Variants in PLEK observed in about 807,000 individuals in gnomAD.
PLEK encodes pleckstrin.
In PLEK, 25 loss-of-function variants were observed where a neutral mutation model predicts 43.9. The observed-to-expected ratio is 0.57, with a 90% CI of 0.41 to 0.79. PLEK has a LOEUF of 0.79. PLEK is among the 30% of genes least tolerant of loss of function. The probability of loss-of-function intolerance (pLI) is 0.00; values close to 1 mark genes in which losing one functional copy is unlikely to be tolerated. For missense variants in PLEK, 396 were observed against 413.3 expected, an observed-to-expected ratio of 0.96 and a Z score of 0.36; for synonymous variants, 152 against 144.4, an observed-to-expected ratio of 1.05 and a Z score of -0.38.
chr2:68,372,356 A>G (rs1673425450), intron 1 of PLEK, among the ~76,000 whole-genome samples: 1 of 152,054 alleles, frequency 6.6e-6, no homozygotes, highest in Non-Finnish European at 1.5e-5. Context: ...GTATATTTTT[A>G]GTAGAGACTG....
intron 7 of PLEK, among the ~76,000 whole-genome samples, 153 bp from the exon 8 acceptor site, chr2:68,393,954 T>TTTAATTTTTA (rs1402088366): frequency 1.6e-4 from 24 of 152,210 alleles, no homozygotes; most frequent in Non-Finnish European, 2.6e-4. Flanking sequence ...ACCTTAGATC[T>TTTAATTTTTA]GTCAGCAGTT....
At chr2:68,393,687 A>G (rs534235863) in intron 7 of PLEK, among the ~76,000 whole-genome samples, 4 of 152,338 alleles carry the variant, frequency 2.6e-5, no homozygotes, top group African/African-American at 9.6e-5. Context: ...TAAAGCATGA[A>G]GACAACTCTG....
intron 7 of PLEK, among the ~76,000 whole-genome samples, chr2:68,393,620 C>G (rs1673902703): frequency 6.6e-6 from 1 of 152,164 alleles, no homozygotes; most frequent in Non-Finnish European, 1.5e-5. Context: ...TTAAGTCCAG[C>G]AATTTGGGCT....
At chr2:68,368,294 T>C (rs1294643919) in intron 1 of PLEK, among the ~76,000 whole-genome samples, 1 of 152,230 alleles carries the variant, frequency 6.6e-6, no homozygotes, top group African/African-American at 2.4e-5. Flanking sequence ...TAGCCAACCA[T>C]GGAGCAGCAA....
At chr2:68,365,606 G>T in intron 1 of PLEK, 1 of 508,868 alleles carries the variant, frequency 2.0e-6, no homozygotes, top group African/African-American at 1.9e-5. Context: ...TTGATATTAC[G>T]GGTCTGAGAA....
intron 6 of PLEK, among the ~76,000 whole-genome samples, chr2:68,392,162 T>G: frequency 6.7e-6 from 1 of 149,878 alleles, no homozygotes; most frequent in East Asian, 1.9e-4. Context: ...CTCCCCCTTT[T>G]CTCCTCCTCC....
chr2:68,380,598 A>G (rs923285856), intron 2 of PLEK, 115 bp downstream of exon 2: 3 of 1,388,892 alleles, frequency 2.2e-6, no homozygotes, highest in African/African-American at 2.9e-5. Flanking sequence ...ACCACCACCC[A>G]CACCCCACCC....
chr2:68,382,573 A>G lies in PLEK; in HGVS notation c.412A>G (p.Lys138Glu), dbSNP rs745801615. The change falls in exon 4 of 9, where the codon AAA (lysine) becomes GAA (glutamate). Residue 138 changes from lysine to glutamate, a missense_variant. By Grantham distance (56) the Lys-to-Glu change is moderately conservative. Coordinates refer to ENST00000234313, the MANE Select transcript of PLEK (RefSeq NM_002664.3). ...ALYLSMKDTE[K>E]GIKELNLEKD... The stretch of plus-strand genomic sequence containing the variant: ...ATATTTGTCCATGAAAGACACTGAA[A>G]AAGGAATAAAAGAACTGAATCTAGA... The G allele has an allele frequency of 6.2e-7, 1 of 1,601,162 alleles. No homozygotes were observed. Among genetic ancestry groups the G allele is most frequent in the South Asian group, 1.1e-5 (1 of 90,814 alleles).
chr2:68,380,507 G>T, intron 2 of PLEK, 24 bp downstream of exon 2: 3 of 1,607,678 alleles, frequency 1.9e-6, no homozygotes, highest in Non-Finnish European at 2.6e-6. Flanking sequence ...ATGAGCTGCC[G>T]TGAACCCCTG....
Position 68,382,456 on chromosome 2 carries a change from G to A in PLEK, c.381-86G>A, listed in dbSNP as rs185210940. On this transcript the variant is annotated intron_variant, in intron 3 of 8. Transcript: ENST00000234313. ...GGAGCTTGTGCTCACCTCCCAGAGA[G>A]AACTTACCATTCTGAAATGTTCCCC... is the stretch of plus-strand genomic sequence containing the variant. The A allele has an allele frequency of 2.2e-3, 1,729 of 771,710 alleles. 11 individuals are homozygous for A. Among genetic ancestry groups the A allele is most frequent in the Middle Eastern group, 0.015 (45 of 3,038 alleles). 47.8% of individuals were successfully genotyped at this position (771,710 alleles called of 1,614,324 possible). A position where few individuals can be genotyped will look rare whatever the true frequency, so the allele number is the denominator to read the frequency against.
At chr2:68,375,273 A>G (rs948336012) in intron 1 of PLEK, among the ~76,000 whole-genome samples, 3 of 152,122 alleles carry the variant, frequency 2.0e-5, no homozygotes, top group African/African-American at 7.2e-5. Flanking sequence ...TTGAATCTGC[A>G]TTTTCCTGAT....
At chr2:68,365,601 A>T (rs1673253649) in intron 1 of PLEK, 1 of 518,314 alleles carries the variant, frequency 1.9e-6, no homozygotes, top group Admixed American at 3.3e-5. Context: ...ACAGTTTGAT[A>T]TTACGGGTCT....
intron 1 of PLEK, among the ~76,000 whole-genome samples, chr2:68,378,933 G>A (rs1190939732): frequency 1.3e-5 from 2 of 151,968 alleles, no homozygotes; most frequent in Non-Finnish European, 2.9e-5. Flanking sequence ...TTCAAGACCA[G>A]CCTGGCCAAC....
intron 6 of PLEK, 72 bp downstream of exon 6, chr2:68,388,563 T>A: frequency 1.2e-6 from 1 of 808,858 alleles, no homozygotes; most frequent in Non-Finnish European, 2.2e-6. Context: ...AGTTACCCAG[T>A]GACTTTTGGT....
chr2:68,382,681 G>T (rs749210793), intron 4 of PLEK, 48 bp downstream of exon 4: 1 of 1,070,456 alleles, frequency 9.3e-7, no homozygotes, highest in Non-Finnish European at 1.5e-6. Context: ...AAGGCGATAT[G>T]GAGTCCTCCT....
intron 1 of PLEK, among the ~76,000 whole-genome samples, chr2:68,371,967 G>A (rs1426348295): frequency 1.3e-5 from 2 of 151,954 alleles, no homozygotes; most frequent in Non-Finnish European, 2.9e-5. Flanking sequence ...AATCAATTAT[G>A]TTTTATTGGA....
chr2:68,378,102 A>G (rs6747837), intron 1 of PLEK, among the ~76,000 whole-genome samples: 76,585 of 152,030 alleles, frequency 0.5, 20,664 homozygotes, highest in East Asian at 0.73. Context: ...CATTATTCAC[A>G]TATAAGCATA....
intron 3 of PLEK, 132 bp from the exon 4 acceptor site, chr2:68,382,410 T>G (rs1673641585): frequency 1.6e-6 from 1 of 609,956 alleles, no homozygotes; most frequent in Non-Finnish European, 2.9e-6. Flanking sequence ...GAGATTAAGC[T>G]CAGGGGATAC....
At chr2:68,373,338 C>T (rs1235948196) in intron 1 of PLEK, among the ~76,000 whole-genome samples, 4 of 151,982 alleles carry the variant, frequency 2.6e-5, no homozygotes, top group Non-Finnish European at 5.9e-5. Context: ...GCATAATGAC[C>T]CTGAATCCCA....
Sources: gnomAD v4.1 joint callset for allele counts (sites outside exome capture counted in the v4.1 genomes callset) on GRCh38, gnomAD v4.1.1 for gene constraint, MANE v1.5 for transcripts, NCBI Gene and HGNC (gene_info 2026-07-23, HGNC 2026-07-21) for gene names.